TIMM10: variants seen among roughly 807,000 people sequenced by gnomAD.
TIMM10 encodes translocase of inner mitochondrial membrane 10, also known as mitochondrial import inner membrane translocase subunit Tim10.
Under a neutral mutation model 9.1 loss-of-function variants are expected in TIMM10, and 13 were observed. The ratio of observed to expected loss-of-function variants is 1.42; its 90% CI spans 0.93 to 2.26. The LOEUF (loss-of-function observed/expected upper bound fraction) is 2.26. TIMM10 is among the 30% of genes most tolerant of loss of function. The probability of loss-of-function intolerance (pLI) is 0.00; values close to 1 mark genes in which losing one functional copy is unlikely to be tolerated. For synonymous variants in TIMM10, 40 were observed against 42.1 expected, an observed-to-expected ratio of 0.95 and a Z score of 0.20; for missense variants, 82 against 113.6, an observed-to-expected ratio of 0.72 and a Z score of 1.26.
At chr11:57,529,322 T>G (rs1944777878) in intron 2 of TIMM10, among the ~76,000 whole-genome samples, 1 of 152,340 alleles carries the variant, frequency 6.6e-6, no homozygotes, top group South Asian at 2.1e-4. Flanking sequence ...CAGTCTACAC[T>G]TAAAAATCCT....
In TIMM10 at chr11:57,530,018, C is replaced by T. The variant is rs115461307; in HGVS notation, c.71+101G>A. 4.1e-4 allele frequency: 552 copies of T among 1,346,194 alleles called. 2 individuals are homozygous for T. In the African/African-American group the frequency reaches 7.3e-3, roughly 18 times the overall value. 83.4% of individuals were successfully genotyped at this position (1,346,194 alleles called of 1,614,324 possible). Reference sequence around the variant, plus strand: ...GGGGAGGGTAAGCATGGGCCTCAGGCTCCCCTACATTCAGGAAGGAATTTG... The same window carrying T: ...GGGGAGGGTAAGCATGGGCCTCAGGTTCCCCTACATTCAGGAAGGAATTTG... On this transcript the variant is annotated intron_variant, in intron 2 of 2. Coordinates refer to ENST00000257245, the MANE Select transcript of TIMM10 (RefSeq NM_012456.3).
chr11:57,528,621 G>T lies in TIMM10; in HGVS notation c.*96C>A. ...TTGAAGACTCTCTACAGAGAGCCTA[G>T]GCCTGGCAGTCTTCACAGATGACAC... is the stretch of plus-strand genomic sequence containing the variant. On this transcript the variant is annotated 3_prime_UTR_variant, in exon 3 of 3. Transcript: ENST00000257245. The T allele has an allele frequency of 1.6e-6, 2 of 1,244,582 alleles. No homozygotes were observed. Among genetic ancestry groups the T allele is most frequent in the South Asian group, 1.3e-5 (1 of 75,818 alleles). 77.1% of individuals were successfully genotyped at this position (1,244,582 alleles called of 1,614,324 possible).
intron 2 of TIMM10, among the ~76,000 whole-genome samples, chr11:57,529,582 A>C (rs1348541344): frequency 6.6e-6 from 1 of 152,168 alleles, no homozygotes; most frequent in Non-Finnish European, 1.5e-5. Context: ...TTTGTTCCCA[A>C]ATTTGCCAAA....
At position 57,528,800 on chromosome 11, in the gene TIMM10, G is replaced by A. The variant is rs993749681; in HGVS notation, c.190C>T (p.Arg64Trp). 6 of 1,613,880 alleles carry A rather than the reference G, an allele frequency of 3.7e-6. No homozygotes were observed. The highest frequency in any genetic ancestry group is 4.5e-5 in the East Asian group (2 of 44,884). The change falls in exon 3 of 3, where the codon CGG becomes TGG. Residue 64 changes from arginine to tryptophan, a missense_variant. Physicochemically the swap from Arg to Trp is moderately radical, Grantham distance 101. Transcript: ENST00000257245. ...AACTCTGTCAACTTTTTGCCCATCC[G>A]CTCATGGATGTCCAGGTACTTAGAG... ...CVSKYLDIHE[R>W]MGKKLTELSM...
chr11:57,530,403 C>G, intron 1 of TIMM10, 169 bp from the exon 2 acceptor site: 1 of 541,038 alleles, frequency 1.8e-6, no homozygotes, highest in Non-Finnish European at 3.4e-6. Flanking sequence ...AGCCCAAGGT[C>G]GCACAGGACG....
intron 1 of TIMM10, among the ~76,000 whole-genome samples, 189 bp downstream of exon 1, chr11:57,530,469 G>A (rs557181211): frequency 1.6e-4 from 24 of 152,236 alleles, no homozygotes; most frequent in Non-Finnish European, 2.6e-4. Flanking sequence ...GTTCCTGGAG[G>A]TCACCTCTAT....
In TIMM10 at chr11:57,528,751, A is replaced by C; in HGVS notation, c.239T>G (p.Met80Arg). 1 of 1,614,010 alleles carries C rather than the reference A, an allele frequency of 6.2e-7. No homozygotes were observed. The highest frequency in any genetic ancestry group is 8.5e-7 in the Non-Finnish European group (1 of 1,180,010). ...CCCAGAGCTCTGCTGCACCCTCTTC[A>C]TCAGCTCTTCATCCTGCATAGACAA... ...TELSMQDEEL[M>R]KRVQQSSGPA The change falls in exon 3 of 3, where the codon ATG (methionine) becomes AGG (arginine). Residue 80 changes from methionine (M) to arginine (R), a missense_variant. Physicochemically the swap from Met to Arg is moderately conservative, Grantham distance 91. Transcript: ENST00000257245.
chr11:57,529,779 G>A (rs985389013), intron 2 of TIMM10, among the ~76,000 whole-genome samples: 7 of 152,174 alleles, frequency 4.6e-5, no homozygotes, highest in East Asian at 1.9e-4. Flanking sequence ...ACAGAATAAA[G>A]GGTTTTAAAA....
rs1040573926 is a variant in TIMM10, at chr11:57,528,763, T to A, written c.227A>T (p.Asp76Val). The A allele has an allele frequency of 1.9e-6, 3 of 1,613,946 alleles. No individual in the cohort carries two copies. The highest frequency in any genetic ancestry group is 2.5e-6 in the Non-Finnish European group (3 of 1,180,032). Residue 76 changes from aspartate (D) to valine (V), a missense_variant, in exon 3 of 3, where the codon GAT becomes GTT. Transcript: ENST00000257245. ...GKKLTELSMQDEELMKRVQQS... is the reference protein window; with the variant it reads ...GKKLTELSMQVEELMKRVQQS... The stretch of plus-strand genomic sequence containing the variant: ...CTGCACCCTCTTCATCAGCTCTTCA[T>A]CCTGCATAGACAACTCTGTCAACTT...
At chr11:57,529,084 C>G (rs1944775959) in intron 2 of TIMM10, among the ~76,000 whole-genome samples, 166 bp from the exon 3 acceptor site, 1 of 152,212 alleles carries the variant, frequency 6.6e-6, no homozygotes, top group Non-Finnish European at 1.5e-5. Context: ...GGAAACTTGT[C>G]TAAGTCCATG....
chr11:57,528,522 T>C lies in TIMM10; in HGVS notation c.*195A>G, dbSNP rs1408665880. On this transcript the variant is annotated 3_prime_UTR_variant, in exon 3 of 3. Transcript: ENST00000257245. The stretch of plus-strand genomic sequence containing the variant: ...ATATATATATATATATATATACACA[T>C]ACATACACACACAGTCACATTCCAG... The C allele has an allele frequency of 4.4e-5, 18 of 407,396 alleles. No individual in the cohort carries two copies. Among genetic ancestry groups the C allele is most frequent in the Non-Finnish European group, 6.4e-5 (14 of 219,122 alleles). 25.2% of individuals were successfully genotyped at this position (407,396 alleles called of 1,614,324 possible).
Position 57,528,928 on chromosome 11 carries a change from G to A in TIMM10, c.72-10C>T, listed in dbSNP as rs1226761313. ...GCAGGCACTGGTCATTCTGGAGGGA[G>A]GGAGGGGCAAGGTCATGTCAGCAGC... On this transcript the variant is annotated splice_polypyrimidine_tract_variant and intron_variant, in intron 2 of 2. Coordinates refer to ENST00000257245, the MANE Select transcript of TIMM10 (RefSeq NM_012456.3). 4 of 1,612,388 alleles carry A rather than the reference G, an allele frequency of 2.5e-6. No individual in the cohort carries two copies. Among genetic ancestry groups the A allele is most frequent in the African/African-American group, 1.3e-5 (1 of 74,862 alleles).
At position 57,528,718 on chromosome 11, in the gene TIMM10, C is replaced by A; in HGVS notation, c.272G>T (p.Ter91LeuextTer17). 6.2e-7 allele frequency: 1 copy of A among 1,613,550 alleles called. No individual in the cohort carries two copies. Among genetic ancestry groups the A allele is most frequent in the Non-Finnish European group, 8.5e-7 (1 of 1,179,976 alleles). ...KRVQQSSGPA[*>L] Reference sequence around the variant, plus strand: ...CCAGGGTGTATACTGACAGGGACCTCATGCAGGCCCAGAGCTCTGCTGCAC... The same window carrying A: ...CCAGGGTGTATACTGACAGGGACCTAATGCAGGCCCAGAGCTCTGCTGCAC... Residue 91 changes from the stop codon to leucine (L), a stop_lost, in exon 3 of 3, where the codon TGA becomes TTA. Coordinates refer to ENST00000257245, the MANE Select transcript of TIMM10 (RefSeq NM_012456.3).
At chr11:57,530,097 G>T (rs1000956953) in intron 2 of TIMM10, 22 bp downstream of exon 2, 3 of 1,613,176 alleles carry the variant, frequency 1.9e-6, no homozygotes, top group East Asian at 2.2e-5. Flanking sequence ...TCCAAGACAG[G>T]GTAGCACATA....
Position 57,528,611 on chromosome 11 carries a change from A to G in TIMM10, c.*106T>C. 1 of 1,122,450 alleles carries G rather than the reference A, an allele frequency of 8.9e-7. No individual in the cohort carries two copies. Among genetic ancestry groups the G allele is most frequent in the African/African-American group, 1.5e-5 (1 of 64,998 alleles). 69.5% of individuals were successfully genotyped at this position (1,122,450 alleles called of 1,614,324 possible). ...CTCCGGGATCTTGAAGACTCTCTAC[A>G]GAGAGCCTAGGCCTGGCAGTCTTCA... On this transcript the variant is annotated 3_prime_UTR_variant, in exon 3 of 3. Transcript: ENST00000257245.
In TIMM10 at chr11:57,528,510, TATATATAC is replaced by T. The variant is rs1565150987; in HGVS notation, c.*199_*206del. ...ATATATATATATATATATATATATA[TATATATAC>T]ACATACATACACACACAGTCACATT... On this transcript the variant is annotated 3_prime_UTR_variant, in exon 3 of 3. Transcript: ENST00000257245. The T allele has an allele frequency of 9.8e-6, 2 of 204,904 alleles. No individual in the cohort carries two copies. The highest frequency in any genetic ancestry group is 1.8e-5 in the Non-Finnish European group (2 of 108,672). The allele number at this position is 204,904 out of a possible 1,614,324, so 12.7% of individuals were successfully genotyped here.
chr11:57,529,907 G>T (rs1944782196), intron 2 of TIMM10, among the ~76,000 whole-genome samples: 1 of 152,098 alleles, frequency 6.6e-6, no homozygotes, highest in Non-Finnish European at 1.5e-5. Flanking sequence ...CTCCTGCATT[G>T]CCAGTTCCAT....
At position 57,530,209 on chromosome 11, in the gene TIMM10, AG is replaced by A. The variant is rs750461974; in HGVS notation, c.-21del. 6.2e-7 allele frequency: 1 copy of A among 1,613,752 alleles called. No homozygotes were observed. Among genetic ancestry groups the A allele is most frequent in the Non-Finnish European group, 8.5e-7 (1 of 1,179,804 alleles). ...ATCCATCTCAGCCTAGCACCGTGGAAGGGATCTCCTTCTGGCCTCCTAATCC... is the reference window on the plus strand; with the variant it reads ...ATCCATCTCAGCCTAGCACCGTGGAAGGATCTCCTTCTGGCCTCCTAATCC... On this transcript the variant is annotated 5_prime_UTR_variant, in exon 2 of 3. Transcript: ENST00000257245.
intron 2 of TIMM10, 82 bp downstream of exon 2, chr11:57,530,037 G>A (rs1212199286): frequency 1.9e-5 from 29 of 1,513,402 alleles, no homozygotes; most frequent in Non-Finnish European, 2.5e-5. Context: ...ATTCAGGAAG[G>A]AATTTGTCAT....
Sources: gnomAD v4.1 joint callset for allele counts (sites outside exome capture counted in the v4.1 genomes callset) on GRCh38, gnomAD v4.1.1 for gene constraint, MANE v1.5 for transcripts, NCBI Gene and HGNC (gene_info 2026-07-23, HGNC 2026-07-21) for gene names.